Variants in ABLIM2 observed in about 807,000 individuals in gnomAD.
ABLIM2 encodes the protein actin-binding LIM protein 2.
In ABLIM2, 53 loss-of-function variants were observed where a neutral mutation model predicts 97.7. That is an observed-to-expected ratio of 0.54 (90% confidence interval 0.44 to 0.68). The LOEUF (loss-of-function observed/expected upper bound fraction) is 0.68, where lower values mean the gene tolerates loss of function less well. ABLIM2 is among the 30% of genes least tolerant of loss of function. The pLI is 0.00. For missense variants in ABLIM2, 835 were observed against 867.2 expected (o/e 0.96, Z 0.47); for synonymous variants, 361 against 345.8 (o/e 1.04, Z -0.49).
chr4:8,059,267 G>T (rs957984112), intron 7 of ABLIM2, among the ~76,000 whole-genome samples: 1 of 152,024 alleles, frequency 6.6e-6, no homozygotes, highest in Non-Finnish European at 1.5e-5. Flanking sequence ...TGCTGCCCCT[G>T]ACATGCCCCT....
Position 8,071,549 on chromosome 4 carries a change from G to A in ABLIM2, c.675+6079C>T, listed in dbSNP as rs575711609. Among the ~76,000 whole-genome samples, 6 of 152,294 alleles carry A rather than the reference G, an allele frequency of 3.9e-5. No homozygotes were observed. The highest frequency in any genetic ancestry group is 5.9e-5 in the Non-Finnish European group (4 of 68,012). ...GCAGACACAGCACAGGCGAGGGCTCGGCTGGCAGTGGGAGCCTGGGATGCT... is the reference window on the plus strand; with the variant it reads ...GCAGACACAGCACAGGCGAGGGCTCAGCTGGCAGTGGGAGCCTGGGATGCT... On this transcript the variant is annotated intron_variant, in intron 6 of 20. Coordinates refer to ENST00000447017, the MANE Select transcript of ABLIM2 (RefSeq NM_001130083.2). The surrounding 1 kb of genome is among the most constrained non-coding windows in gnomAD (Gnocchi z 6.2).
At chr4:8,126,531 G>C (rs532238062) in intron 1 of ABLIM2, among the ~76,000 whole-genome samples, 8 of 151,380 alleles carry the variant, frequency 5.3e-5, no homozygotes, top group African/African-American at 1.5e-4. Context: ...CAGGCCGCCT[G>C]GTCAACACGC....
In ABLIM2 at chr4:8,068,900, A is replaced by G. The variant is rs117201114; in HGVS notation, c.676-7846T>C. ...CAAACAAAATGAAATTTACAAAGAA[A>G]CAAATGAAAGCTGTGAGCAGGGGAT... On this transcript the variant is annotated intron_variant, in intron 6 of 20. Transcript: ENST00000447017. The surrounding 1 kb of genome is among the most constrained non-coding windows in gnomAD (Gnocchi z 4.5). Among the ~76,000 whole-genome samples the G allele has an allele frequency of 1.8e-3, 280 of 152,360 alleles. 2 individuals are homozygous for G. The East Asian group carries it at 0.03, about 16-fold the overall frequency.
intron 3 of ABLIM2, among the ~76,000 whole-genome samples, chr4:8,091,296 T>C (rs1827290071): frequency 1.9e-5 from 1 of 53,346 alleles, no homozygotes; most frequent in South Asian, 4.5e-4. Flanking sequence ...TATAATATTA[T>C]ATATTATATT....
intron 14 of ABLIM2, among the ~76,000 whole-genome samples, chr4:8,013,480 T>G (rs561094927): frequency 2.6e-5 from 4 of 152,340 alleles, no homozygotes; most frequent in African/African-American, 9.6e-5. Context: ...TGCCTCAGCC[T>G]CACAAAGTGC....
intron 3 of ABLIM2, among the ~76,000 whole-genome samples, chr4:8,089,732 CAAAAAAA>C (rs58396378): frequency 0.098 from 8,592 of 87,732 alleles, 666 homozygotes; most frequent in East Asian, 0.24. Flanking sequence ...AGATTCATAT[CAAAAAAA>C]AAAAAAAAAA....
chr4:8,149,375 GC>G lies in ABLIM2; in HGVS notation c.10+9304del, dbSNP rs1711800622. ...TGGGCACCTTTGAGTCCACTGTTCA[GC>G]CCCCCAACACCATCCAAGAGGAGGT... is the stretch of plus-strand genomic sequence containing the variant. On this transcript the variant is annotated intron_variant, in intron 1 of 20. Transcript: ENST00000447017. The surrounding 1 kb of genome is among the most constrained non-coding windows in gnomAD (Gnocchi z 6.4). 6.6e-6 allele frequency among the ~76,000 whole-genome samples: 1 copy of G among 152,080 alleles called. No individual in the cohort carries two copies.
rs934039822 is a variant in ABLIM2 at position 8,001,115 on chromosome 4, A to G, written c.1618+6944T>C. On this transcript the variant is annotated intron_variant, in intron 16 of 20. Coordinates refer to ENST00000447017, the MANE Select transcript of ABLIM2 (RefSeq NM_001130083.2). This position sits in a 1 kb window ranked among gnomAD's most constrained non-coding sequence, Gnocchi z 4.2. ...CCCCTCTCTGAGCCTTGGTGTGTCC[A>G]TCTGAGGAAGACGGGCACCCCTCAT... Among the ~76,000 whole-genome samples, 1 of 152,208 alleles carries G rather than the reference A, an allele frequency of 6.6e-6. No individual in the cohort carries two copies. The highest frequency in any genetic ancestry group is 1.5e-5 in the Non-Finnish European group (1 of 68,026).
At chr4:8,114,222 G>A (rs940290651) in intron 1 of ABLIM2, among the ~76,000 whole-genome samples, 2 of 152,160 alleles carry the variant, frequency 1.3e-5, no homozygotes, top group African/African-American at 2.4e-5. Context: ...CTGTGCTGAT[G>A]TGTGCTCAGC....
At chr4:8,010,563 G>C (rs777548119) in intron 14 of ABLIM2, 53 of 985,740 alleles carry the variant, frequency 5.4e-5, no homozygotes, top group Middle Eastern at 5.2e-4. Flanking sequence ...GACAAGATAA[G>C]GCCAAAATTG....
intron 20 of ABLIM2, among the ~76,000 whole-genome samples, chr4:7,969,245 G>A (rs980724648): frequency 3.3e-5 from 5 of 152,140 alleles, no homozygotes; most frequent in African/African-American, 1.2e-4. Context: ...CTTGAGCTCA[G>A]GAGTTTGAGA....
At chr4:8,091,364 T>A (rs1481245146) in intron 3 of ABLIM2, among the ~76,000 whole-genome samples, 3 of 47,674 alleles carry the variant, frequency 6.3e-5, no homozygotes, top group Admixed American at 3.8e-4. Context: ...TATATATATA[T>A]TATATTACAT....
intron 3 of ABLIM2, among the ~76,000 whole-genome samples, chr4:8,091,992 T>G (rs1391255673): frequency 7.3e-6 from 1 of 136,862 alleles, no homozygotes; most frequent in African/African-American, 2.8e-5. Context: ...TTATAATATA[T>G]AATATAATAT....
chr4:8,020,516 G>A (rs1266039674), intron 12 of ABLIM2: 1 of 648,076 alleles, frequency 1.5e-6, no homozygotes, highest in South Asian at 1.7e-5. Flanking sequence ...GTTGAAGTCT[G>A]TCCAGAGTCC....
intron 5 of ABLIM2, among the ~76,000 whole-genome samples, chr4:8,079,404 C>T (rs1052583210): frequency 6.6e-6 from 1 of 152,172 alleles, no homozygotes; most frequent in Admixed American, 6.5e-5. Context: ...GCCGCCTGCA[C>T]GGGGCTGGGC....
rs1410587402 is a variant in ABLIM2, at chr4:8,044,463, ATATG to A, written c.900+697_900+700del. 6.6e-6 allele frequency among the ~76,000 whole-genome samples: 1 copy of A among 151,852 alleles called. No individual in the cohort carries two copies. Among genetic ancestry groups the A allele is most frequent in the Non-Finnish European group, 1.5e-5 (1 of 67,978 alleles). ...ATATTAAATTTACATATACATATGT[ATATG>A]TATGTATACATATATAAATTTAAAT... On this transcript the variant is annotated intron_variant, in intron 9 of 20. Transcript: ENST00000447017. The surrounding 1 kb of genome is among the most constrained non-coding windows in gnomAD (Gnocchi z 4.4).
intron 20 of ABLIM2, among the ~76,000 whole-genome samples, chr4:7,974,678 C>T (rs1731499259): frequency 6.6e-6 from 1 of 151,712 alleles, no homozygotes. Flanking sequence ...TCCACCCATC[C>T]ATCCACCAAC....
intron 1 of ABLIM2, among the ~76,000 whole-genome samples, chr4:8,121,819 C>A (rs554884283): frequency 6.6e-6 from 1 of 152,182 alleles, no homozygotes; most frequent in Non-Finnish European, 1.5e-5. Flanking sequence ...TGATGAATAA[C>A]CCATGTCACA....
Position 7,986,372 on chromosome 4 carries a change from T to C in ABLIM2, c.1681-1479A>G, listed in dbSNP as rs1744110603. On this transcript the variant is annotated intron_variant, in intron 17 of 20. Transcript: ENST00000447017. This position sits in a 1 kb window ranked among gnomAD's most constrained non-coding sequence, Gnocchi z 4.3. The stretch of plus-strand genomic sequence containing the variant: ...GGAAAACCGAGGCCCCGAGGGAAGC[T>C]GGACCTTCTTCCTGATGCAGAGCTG... Among the ~76,000 whole-genome samples the C allele has an allele frequency of 6.6e-6, 1 of 152,186 alleles. No individual in the cohort carries two copies.
Sources: allele counts gnomAD v4.1 joint callset (sites outside exome capture counted in the v4.1 genomes callset), GRCh38; gene constraint gnomAD v4.1.1; non-coding constraint Gnocchi (gnomAD v3.1); transcripts MANE v1.5; gene names NCBI Gene and HGNC (gene_info 2026-07-23, HGNC 2026-07-21).